The following UPF2 variants were observed in gnomAD, a reference collection of about 807,000 sequenced individuals.
The protein encoded by UPF2 is regulator of nonsense transcripts 2.
In UPF2, 17 loss-of-function variants were observed where a neutral mutation model predicts 141.4. That is an observed-to-expected ratio of 0.12 (90% CI 0.08 to 0.18). UPF2 has a LOEUF of 0.18. Among genes scored for constraint, UPF2 ranks in the 10% least tolerant of loss-of-function variants. UPF2 has a pLI of 1.00. For synonymous variants in UPF2, 540 were observed against 498.0 expected (o/e 1.08, Z -1.12); for missense variants, 1,152 against 1,515.9 (o/e 0.76, Z 3.99).
intron 8 of UPF2, among the ~76,000 whole-genome samples, chr10:11,990,458 A>G (rs1200114112): frequency 6.6e-6 from 1 of 152,200 alleles, no homozygotes; most frequent in African/African-American, 2.4e-5. Context: ...GGCCGGGTGG[A>G]TCACGAGGTC....
Position 12,014,188 on chromosome 10 carries a change from T to A in UPF2, c.1146-4A>T. The stretch of plus-strand genomic sequence containing the variant: ...CCCTTTAGAATGTAGAATGCGCCTA[T>A]AAACAAATGAAATCATCTGACAGTC... On this transcript the variant is annotated splice_region_variant and splice_polypyrimidine_tract_variant and intron_variant, in intron 3 of 21. Transcript: ENST00000357604. The surrounding 1 kb of genome is among the most constrained non-coding windows in gnomAD (Gnocchi z 5.0). 1 of 1,405,732 alleles carries A rather than the reference T, an allele frequency of 7.1e-7. No individual in the cohort carries two copies. The highest frequency in any genetic ancestry group is 9.4e-7 in the Non-Finnish European group (1 of 1,065,066). 87.1% of individuals were successfully genotyped at this position (1,405,732 alleles called of 1,614,324 possible).
intron 3 of UPF2, among the ~76,000 whole-genome samples, chr10:12,025,326 A>G (rs113818890): frequency 2.6e-5 from 4 of 152,250 alleles, no homozygotes; most frequent in African/African-American, 7.2e-5. Flanking sequence ...CGAGGTGTGC[A>G]GATCACCTGA....
chr10:11,972,561 C>T (rs531451751), intron 9 of UPF2, among the ~76,000 whole-genome samples: 3 of 152,198 alleles, frequency 2.0e-5, no homozygotes, highest in Admixed American at 6.5e-5. Context: ...GGCCCCGGTG[C>T]GTGATGTGCC....
intron 9 of UPF2, among the ~76,000 whole-genome samples, chr10:11,970,120 TAA>T (rs1833391132): frequency 6.6e-6 from 1 of 152,210 alleles, no homozygotes; most frequent in African/African-American, 2.4e-5. Context: ...GCAAGTCATA[TAA>T]ACTCCCTGAG....
chr10:11,977,880 A>G (rs1055105319), intron 9 of UPF2, among the ~76,000 whole-genome samples: 6 of 152,190 alleles, frequency 3.9e-5, no homozygotes, highest in Non-Finnish European at 5.9e-5. Flanking sequence ...CAACCTCTCT[A>G]AACATAGAAA....
intron 17 of UPF2, 23 bp downstream of exon 17, chr10:11,943,041 G>C (rs755584448): frequency 6.4e-7 from 1 of 1,552,744 alleles, no homozygotes. Flanking sequence ...ATTTCAAAAA[G>C]TAAATTTTTC....
intron 3 of UPF2, among the ~76,000 whole-genome samples, chr10:12,026,154 T>C (rs1332259711): frequency 2.0e-5 from 3 of 152,056 alleles, no homozygotes; most frequent in African/African-American, 7.2e-5. Flanking sequence ...TAAAATAATA[T>C]ACAAAAAGCA....
chr10:11,954,353 C>T (rs1329333253), intron 14 of UPF2, among the ~76,000 whole-genome samples: 1 of 151,864 alleles, frequency 6.6e-6, no homozygotes, highest in Non-Finnish European at 1.5e-5. Flanking sequence ...AAAAATTAGG[C>T]TGGGCACAGT....
At chr10:12,012,266 TTGCG>T (rs535858872) in intron 4 of UPF2, among the ~76,000 whole-genome samples, 127 of 304 alleles carry the variant, frequency 0.42, no homozygotes, top group African/African-American at 0.47. Context: ...TTTCACCATG[TTGCG>T]CCAAGCTGTT....
rs1833211218 is a variant in UPF2, at chr10:11,959,781, C to G, written c.2185-425G>C. Reference sequence around the variant, plus strand: ...TTAAAAAAAACAAAACAAAAACACACAGAGAGGTGGGGGTGGTGAGACAAA... The same window carrying G: ...TTAAAAAAAACAAAACAAAAACACAGAGAGAGGTGGGGGTGGTGAGACAAA... On this transcript the variant is annotated intron_variant, in intron 11 of 21. Coordinates refer to ENST00000357604, the MANE Select transcript of UPF2 (RefSeq NM_015542.4). This position sits in a 1 kb window ranked among gnomAD's most constrained non-coding sequence, Gnocchi z 5.9. Among the ~76,000 whole-genome samples, 1 of 151,944 alleles carries G rather than the reference C, an allele frequency of 6.6e-6. No homozygotes were observed. The highest frequency in any genetic ancestry group is 6.6e-5 in the Admixed American group (1 of 15,238).
intron 15 of UPF2, among the ~76,000 whole-genome samples, chr10:11,948,839 G>A (rs552185832): frequency 6.6e-6 from 1 of 152,114 alleles, no homozygotes; most frequent in South Asian, 2.1e-4. Context: ...TAACAGATGA[G>A]GTACAGTCTC....
chr10:11,922,776 T>TA (rs141885064), intron 21 of UPF2, among the ~76,000 whole-genome samples: 9,704 of 149,456 alleles, frequency 0.065, 386 homozygotes, highest in Non-Finnish European at 0.093. Context: ...TAAAGATATA[T>TA]AAAAAAAAAA....
At chr10:11,950,993 T>C (rs1456190072) in intron 15 of UPF2, among the ~76,000 whole-genome samples, 3 of 152,192 alleles carry the variant, frequency 2.0e-5, no homozygotes, top group African/African-American at 7.2e-5. Flanking sequence ...ATGACAGACA[T>C]GAATGTACCA....
intron 9 of UPF2, among the ~76,000 whole-genome samples, chr10:11,969,503 C>T (rs1007062952): frequency 6.6e-6 from 1 of 151,916 alleles, no homozygotes; most frequent in Non-Finnish European, 1.5e-5. Context: ...TTTAAGCATA[C>T]AAAATAGTTT....
Position 12,023,441 on chromosome 10 carries a change from G to A in UPF2, c.1145+5304C>T, listed in dbSNP as rs577899651. On this transcript the variant is annotated intron_variant, in intron 3 of 21. Coordinates refer to ENST00000357604, the MANE Select transcript of UPF2 (RefSeq NM_015542.4). ...TGTAATCCTAGCACTTTGGGAGGCCGAGGCGGGAAGATCATGAGGTCAAGA... is the reference window on the plus strand; with the variant it reads ...TGTAATCCTAGCACTTTGGGAGGCCAAGGCGGGAAGATCATGAGGTCAAGA... Among the ~76,000 whole-genome samples, 11 of 151,138 alleles carry A rather than the reference G, an allele frequency of 7.3e-5. No homozygotes were observed. The East Asian group carries it at 1.4e-3, about 19-fold the overall frequency.
At chr10:12,005,717 C>T (rs954658858) in intron 4 of UPF2, among the ~76,000 whole-genome samples, 3 of 151,818 alleles carry the variant, frequency 2.0e-5, no homozygotes, top group South Asian at 2.1e-4. Context: ...TACAGGCGCC[C>T]GCCACCACAC....
In UPF2 at chr10:11,936,144, C is replaced by G. The variant is rs143341327; in HGVS notation, c.3546+401G>C. Among the ~76,000 whole-genome samples, 5 of 152,214 alleles carry G rather than the reference C, an allele frequency of 3.3e-5. No homozygotes were observed. In the East Asian group the frequency reaches 7.7e-4, roughly 24 times the overall value. On this transcript the variant is annotated intron_variant, in intron 19 of 21. Coordinates refer to ENST00000357604, the MANE Select transcript of UPF2 (RefSeq NM_015542.4). This position sits in a 1 kb window ranked among gnomAD's most constrained non-coding sequence, Gnocchi z 6.6. ...AAGCACTTTGGGAGGCCGAGATGGG[C>G]AGATCACCTGAGGTCAGGAGTTCCA...
At chr10:12,028,297 C>T (rs1834455812) in intron 3 of UPF2, among the ~76,000 whole-genome samples, 1 of 152,138 alleles carries the variant, frequency 6.6e-6, no homozygotes, top group Non-Finnish European at 1.5e-5. Context: ...ATCTGAAATA[C>T]CACTGGTAAT....
intron 4 of UPF2, among the ~76,000 whole-genome samples, chr10:12,007,264 T>C (rs1365356398): frequency 6.6e-6 from 1 of 152,188 alleles, no homozygotes; most frequent in Non-Finnish European, 1.5e-5. Flanking sequence ...ATATATTTTC[T>C]GGAAAAAAGT....
Sources: gnomAD v4.1 joint callset for allele counts (sites outside exome capture counted in the v4.1 genomes callset) on GRCh38, gnomAD v4.1.1 for gene constraint, Gnocchi (gnomAD v3.1) non-coding constraint, MANE v1.5 for transcripts, NCBI Gene and HGNC (gene_info 2026-07-23, HGNC 2026-07-21) for gene names.